The following NDUFV2 variants were observed in gnomAD, a reference collection of about 807,000 sequenced individuals.
The protein encoded by NDUFV2 is NADH:ubiquinone oxidoreductase core subunit V2, also known as NADH dehydrogenase [ubiquinone] flavoprotein 2, mitochondrial.
In NDUFV2, 18 loss-of-function variants were observed where a neutral mutation model predicts 31.6. That is an observed-to-expected ratio of 0.57 (90% CI 0.39 to 0.84). The LOEUF (loss-of-function observed/expected upper bound fraction) is 0.84. Ranked by LOEUF, NDUFV2 falls within the 40% of genes least tolerant of loss-of-function variation. The pLI is 0.00. For missense variants in NDUFV2, 314 were observed against 303.6 expected (o/e 1.03, Z -0.26); for synonymous variants, 83 against 99.8 (o/e 0.83, Z 1.01).
intron 1 of NDUFV2, chr18:9,112,390 C>CAGA (rs1259883684): frequency 6.6e-6 from 1 of 152,062 alleles, no homozygotes; most frequent in Non-Finnish European, 1.5e-5. Context: ...AGGGATCAGC[C>CAGA]AGAAGACTTA....
At chr18:9,119,822 A>G (rs73390107) in intron 4 of NDUFV2, among the ~76,000 whole-genome samples, 382 of 151,762 alleles carry the variant, frequency 2.5e-3, no homozygotes, top group African/African-American at 8.7e-3. Flanking sequence ...GAAAGAGGGT[A>G]TGTGTTTTTT....
At chr18:9,119,664 C>T in intron 4 of NDUFV2, 74 bp downstream of exon 4, 1 of 1,180,374 alleles carries the variant, frequency 8.5e-7, no homozygotes, top group South Asian at 1.2e-5. Flanking sequence ...ATAGAAATTA[C>T]TCTGATCATC....
chr18:9,104,057 T>G, intron 1 of NDUFV2: 1 of 1,265,072 alleles, frequency 7.9e-7, no homozygotes, highest in East Asian at 2.5e-5. Context: ...GTTAGAGAGA[T>G]GAATAGGGTC....
intron 4 of NDUFV2, among the ~76,000 whole-genome samples, chr18:9,120,236 G>A (rs2144743241): frequency 6.6e-6 from 1 of 152,202 alleles, no homozygotes; most frequent in South Asian, 2.1e-4. Flanking sequence ...CATTTATAAA[G>A]TGCCATACAC....
intron 1 of NDUFV2, chr18:9,112,837 A>G (rs1052108819): frequency 6.6e-6 from 1 of 152,230 alleles, no homozygotes; most frequent in Non-Finnish European, 1.5e-5. Context: ...AAAAAATTCA[A>G]ACAGTAAGCA....
chr18:9,119,375 C>T lies in NDUFV2; in HGVS notation c.170C>T (p.Pro57Leu). Residue 57 changes from proline to leucine, a missense_variant, in exon 3 of 8, where the codon CCA (proline) becomes CTA (leucine). Coordinates refer to ENST00000318388, the MANE Select transcript of NDUFV2 (RefSeq NM_021074.5). ...CCTGATACTCCATTTGATTTCACAC[C>T]AGAAAACTATAAGGTATGGCTAAAT... is the stretch of plus-strand genomic sequence containing the variant. ...NNPDTPFDFT[P>L]ENYKRIEAIV... is the part of the protein sequence containing the mutation. 3 of 1,611,862 alleles carry T rather than the reference C, an allele frequency of 1.9e-6. No individual in the cohort carries two copies. In the East Asian group the frequency reaches 6.7e-5, roughly 36 times the overall value.
chr18:9,122,666 A>T lies in NDUFV2; in HGVS notation c.454A>T (p.Ile152Phe). The stretch of plus-strand genomic sequence containing the variant: ...AAACTCTGACAGCATACTGGAGGCC[A>T]TTCAGAAAAAGCTTGGTAGGGAATA... ...LRNSDSILEA[I>F]QKKLGIKVGE... Residue 152 changes from isoleucine (I) to phenylalanine (F), a missense_variant, in exon 5 of 8, where the codon ATT (isoleucine) becomes TTT (phenylalanine). Physicochemically the swap from Ile to Phe is conservative, Grantham distance 21. Coordinates refer to ENST00000318388, the MANE Select transcript of NDUFV2 (RefSeq NM_021074.5). 1 of 1,613,960 alleles carries T rather than the reference A, an allele frequency of 6.2e-7. No homozygotes were observed. The highest frequency in any genetic ancestry group is 8.5e-7 in the Non-Finnish European group (1 of 1,179,890).
chr18:9,128,655 T>G (rs1396997947), intron 7 of NDUFV2, among the ~76,000 whole-genome samples: 1 of 152,206 alleles, frequency 6.6e-6, no homozygotes, highest in Non-Finnish European at 1.5e-5. Context: ...CCCTTACTTA[T>G]TCTTGCTTTA....
Position 9,119,262 on chromosome 18 carries a change from T to G in NDUFV2, c.121-64T>G. ...TAAACAATAAGTAATAGTATAGTAA[T>G]GTACAGTGTCATTCACACTTGAGAG... is the stretch of plus-strand genomic sequence containing the variant. On this transcript the variant is annotated intron_variant, in intron 2 of 7. Transcript: ENST00000318388. 8 of 1,194,524 alleles carry G rather than the reference T, an allele frequency of 6.7e-6. No individual in the cohort carries two copies. In the South Asian group the frequency reaches 9.7e-5, roughly 15 times the overall value. 74.0% of individuals were successfully genotyped at this position (1,194,524 alleles called of 1,614,324 possible).
At chr18:9,123,253 G>C (rs190326655) in intron 5 of NDUFV2, among the ~76,000 whole-genome samples, 39 of 152,238 alleles carry the variant, frequency 2.6e-4, no homozygotes, top group Admixed American at 2.4e-3. Flanking sequence ...TATAATATGT[G>C]CATGTTGTAA....
intron 1 of NDUFV2, among the ~76,000 whole-genome samples, chr18:9,110,415 GATGA>G (rs1423313136): frequency 6.6e-6 from 1 of 152,026 alleles, no homozygotes; most frequent in Non-Finnish European, 1.5e-5. Context: ...ACTTGATAGG[GATGA>G]ATAACAGTTT....
At chr18:9,127,991 T>G (rs1266368001) in intron 7 of NDUFV2, among the ~76,000 whole-genome samples, 2 of 152,222 alleles carry the variant, frequency 1.3e-5, no homozygotes, top group East Asian at 3.8e-4. Context: ...TTAATTACTT[T>G]CCTTTCAGTT....
Position 9,119,313 on chromosome 18 carries a change from T to G in NDUFV2, c.121-13T>G, listed in dbSNP as rs1432494350. 1 of 1,608,482 alleles carries G rather than the reference T, an allele frequency of 6.2e-7. No homozygotes were observed. On this transcript the variant is annotated splice_polypyrimidine_tract_variant and intron_variant, in intron 2 of 7. Coordinates refer to ENST00000318388, the MANE Select transcript of NDUFV2 (RefSeq NM_021074.5). The stretch of plus-strand genomic sequence containing the variant: ...AATTTGGATAAGTCTGAAAAACTGT[T>G]TTTGTTGTGTAGCACAGAGATACTC...
At chr18:9,103,944 T>C in intron 1 of NDUFV2, 1 of 501,242 alleles carries the variant, frequency 2.0e-6, no homozygotes. Flanking sequence ...TACTTTTTCC[T>C]CATATTACAG....
intron 7 of NDUFV2, among the ~76,000 whole-genome samples, chr18:9,128,840 C>A (rs775824642): frequency 6.6e-6 from 1 of 152,160 alleles, no homozygotes; most frequent in Non-Finnish European, 1.5e-5. Context: ...GTGCAGATTT[C>A]CTTGTGAAAT....
At chr18:9,120,352 A>G (rs2077925866) in intron 4 of NDUFV2, among the ~76,000 whole-genome samples, 1 of 152,226 alleles carries the variant, frequency 6.6e-6, no homozygotes, top group Non-Finnish European at 1.5e-5. Flanking sequence ...TTTTTCTCTG[A>G]ACTTCCTCAT....
chr18:9,113,834 A>G (rs573909434), intron 1 of NDUFV2, among the ~76,000 whole-genome samples: 17 of 152,296 alleles, frequency 1.1e-4, no homozygotes, highest in African/African-American at 3.4e-4. Flanking sequence ...AGGGACAGGA[A>G]TTGCTCACTT....
intron 1 of NDUFV2, among the ~76,000 whole-genome samples, chr18:9,107,942 T>G (rs995354231): frequency 9.2e-5 from 14 of 152,270 alleles, no homozygotes; most frequent in African/African-American, 3.4e-4. Context: ...TAGGTATAGC[T>G]AGCTACATAT....
intron 1 of NDUFV2, among the ~76,000 whole-genome samples, chr18:9,111,206 G>T (rs1246293491): frequency 6.6e-6 from 1 of 152,050 alleles, no homozygotes; most frequent in Non-Finnish European, 1.5e-5. Flanking sequence ...CATAATTTCT[G>T]CCAATAATTA....
Sources: allele counts gnomAD v4.1 joint callset (sites outside exome capture counted in the v4.1 genomes callset), GRCh38; gene constraint gnomAD v4.1.1; transcripts MANE v1.5; gene names NCBI Gene and HGNC (gene_info 2026-07-23, HGNC 2026-07-21).